Variants in RPS6KC1 observed in about 807,000 individuals in gnomAD.
RPS6KC1 encodes the protein ribosomal protein S6 kinase C1.
A neutral mutation model predicts 103.8 loss-of-function variants in RPS6KC1; 54 were observed. That is an observed-to-expected ratio of 0.52 (90% CI 0.42 to 0.65). The LOEUF is 0.65. RPS6KC1 is among the 30% of genes least tolerant of loss of function. The probability of loss-of-function intolerance (pLI) is 0.00; values close to 1 mark genes in which losing one functional copy is unlikely to be tolerated. For missense variants in RPS6KC1, 1,151 were observed against 1,253.8 expected, an observed-to-expected ratio of 0.92 and a Z score of 1.24; for synonymous variants, 439 against 438.7, an observed-to-expected ratio of 1.00 and a Z score of -0.01.
the RPS6KC1 span, among the ~76,000 whole-genome samples, chr1:213,809,665 G>A: frequency 2.0e-5 from 3 of 152,190 alleles, no homozygotes; most frequent in South Asian, 6.2e-4. Context: ...ATATTAAGAG[G>A]ATACTCATTA....
At chr1:213,286,035 C>G in the RPS6KC1 span, among the ~76,000 whole-genome samples, 4 of 152,296 alleles carry the variant, frequency 2.6e-5, no homozygotes, top group East Asian at 7.7e-4. Context: ...TGGGACAAAA[C>G]AGATAATATT....
the RPS6KC1 span, among the ~76,000 whole-genome samples, chr1:213,597,958 T>A: frequency 6.6e-6 from 1 of 152,092 alleles, no homozygotes; most frequent in East Asian, 1.9e-4. Flanking sequence ...CTCCTTTCAA[T>A]CTCAGGGTTG....
chr1:213,603,420 C>A, the RPS6KC1 span, among the ~76,000 whole-genome samples: 20 of 152,196 alleles, frequency 1.3e-4, no homozygotes, highest in Non-Finnish European at 2.5e-4. Context: ...GACCAGGAAC[C>A]ATGAGAAGGG....
chr1:213,495,641 A>T, the RPS6KC1 span, among the ~76,000 whole-genome samples: 1 of 152,118 alleles, frequency 6.6e-6, no homozygotes, highest in Non-Finnish European at 1.5e-5. Flanking sequence ...CATTTTACAG[A>T]TGGGGAGCAG....
At chr1:213,152,864 G>A (rs1208852276) in intron 6 of RPS6KC1, among the ~76,000 whole-genome samples, 3 of 152,206 alleles carry the variant, frequency 2.0e-5, no homozygotes, top group African/African-American at 7.2e-5. Flanking sequence ...CTGCAATGTC[G>A]GCACTTTGGG....
chr1:213,733,239 G>GTT, the RPS6KC1 span, among the ~76,000 whole-genome samples: 509 of 146,986 alleles, frequency 3.5e-3, 2 homozygotes, highest in South Asian at 0.01. Flanking sequence ...TTTGGGTTTT[G>GTT]TTTTTTTTTT....
chr1:213,129,890 G>A lies in RPS6KC1; in HGVS notation c.835+1G>A. 1 of 1,587,518 alleles carries A rather than the reference G, an allele frequency of 6.3e-7. No individual in the cohort carries two copies. The highest frequency in any genetic ancestry group is 8.5e-7 in the Non-Finnish European group (1 of 1,173,270). ...GATTTACTCCTAGAAGGTGTTCAAG[G>A]TATGGTTTTATGTATATTATGTTTT... On this transcript the variant is annotated splice_donor_variant, in intron 6 of 14. Transcript: ENST00000366960. LOFTEE classifies it high-confidence loss of function.
At chr1:213,123,010 A>G (rs2084575051) in intron 5 of RPS6KC1, among the ~76,000 whole-genome samples, 1 of 152,156 alleles carries the variant, frequency 6.6e-6, no homozygotes, top group Admixed American at 6.6e-5. Flanking sequence ...GGGACAAATA[A>G]CAGAAAATTC....
At chr1:213,576,794 A>G in the RPS6KC1 span, among the ~76,000 whole-genome samples, 1 of 152,230 alleles carries the variant, frequency 6.6e-6, no homozygotes, top group Admixed American at 6.5e-5. Flanking sequence ...GCTTAGTGAG[A>G]AAGGCCTATC....
At chr1:213,682,796 T>G in the RPS6KC1 span, among the ~76,000 whole-genome samples, 1 of 152,240 alleles carries the variant, frequency 6.6e-6, no homozygotes, top group African/African-American at 2.4e-5. Flanking sequence ...TTTGGGTGCA[T>G]GCACTATAGC....
the RPS6KC1 span, among the ~76,000 whole-genome samples, chr1:213,839,084 A>G: frequency 2.6e-5 from 4 of 152,126 alleles, no homozygotes; most frequent in Admixed American, 1.3e-4. Flanking sequence ...TAACAACCTG[A>G]TATCATGTAA....
At chr1:213,152,799 G>A in intron 6 of RPS6KC1, among the ~76,000 whole-genome samples, 1 of 152,012 alleles carries the variant, frequency 6.6e-6, no homozygotes, top group South Asian at 2.1e-4. Context: ...CAGATGATGG[G>A]CCGCCAGGCA....
intron 8 of RPS6KC1, among the ~76,000 whole-genome samples, chr1:213,216,534 A>G (rs2093666398): frequency 1.3e-5 from 2 of 152,246 alleles, no homozygotes; most frequent in Admixed American, 6.5e-5. Flanking sequence ...ATAGACATCT[A>G]CAGAACTCTC....
the RPS6KC1 span, among the ~76,000 whole-genome samples, chr1:213,816,796 A>ATC: frequency 2.0e-5 from 3 of 152,160 alleles, no homozygotes; most frequent in African/African-American, 7.2e-5. Flanking sequence ...CCCAAGCCTT[A>ATC]TCTCCGTTTA....
chr1:213,184,857 T>C (rs1350741485), intron 8 of RPS6KC1, among the ~76,000 whole-genome samples: 1 of 152,192 alleles, frequency 6.6e-6, no homozygotes, highest in African/African-American at 2.4e-5. Context: ...AAAAGATGCT[T>C]GACATGATTT....
chr1:213,256,516 A>G (rs2094646043), intron 12 of RPS6KC1, among the ~76,000 whole-genome samples: 1 of 151,796 alleles, frequency 6.6e-6, no homozygotes, highest in African/African-American at 2.4e-5. Context: ...CACTAACACT[A>G]ACGATAGCTG....
At chr1:213,526,316 GGAGA>G in the RPS6KC1 span, among the ~76,000 whole-genome samples, 1 of 152,076 alleles carries the variant, frequency 6.6e-6, no homozygotes, top group African/African-American at 2.4e-5. Context: ...TTGTTGGTTG[GGAGA>G]GAGAGAGCGT....
intron 14 of RPS6KC1, among the ~76,000 whole-genome samples, chr1:213,271,999 TATTAA>T (rs1558672079): frequency 6.6e-6 from 1 of 152,230 alleles, no homozygotes; most frequent in South Asian, 2.1e-4. Flanking sequence ...TCATTCATTA[TATTAA>T]ATTATTTCAT....
intron 9 of RPS6KC1, among the ~76,000 whole-genome samples, chr1:213,231,205 A>C (rs1445929949): frequency 6.6e-6 from 1 of 152,204 alleles, no homozygotes; most frequent in African/African-American, 2.4e-5. Context: ...TGAAGACTAC[A>C]CACAGTCTCA....
Sources: gnomAD v4.1 joint callset for allele counts (sites outside exome capture counted in the v4.1 genomes callset) on GRCh38, gnomAD v4.1.1 for gene constraint, MANE v1.5 for transcripts, NCBI Gene and HGNC (gene_info 2026-07-23, HGNC 2026-07-21) for gene names.